Variants in AIG1 observed in about 807,000 individuals in gnomAD.
The protein encoded by AIG1 is androgen induced 1.
A neutral mutation model predicts 31.4 loss-of-function variants in AIG1; 23 were observed. That is an observed-to-expected ratio of 0.73 (90% CI 0.53 to 1.04). The LOEUF is 1.04. AIG1 is among the 50% of genes least tolerant of loss of function. The pLI, the probability that AIG1 is intolerant of heterozygous loss-of-function variation, is 0.00. For missense variants in AIG1, 274 were observed against 295.0 expected (o/e 0.93, Z 0.52); for synonymous variants, 100 against 110.5 (o/e 0.90, Z 0.60).
chr6:143,137,072 A>G (rs900394462), intron 2 of AIG1, 82 bp downstream of exon 2: 2 of 1,290,842 alleles, frequency 1.5e-6, no homozygotes, highest in African/African-American at 3.0e-5. Context: ...AAAAGAGTTC[A>G]TTATAAGAGG....
At chr6:143,129,039 C>G (rs562243040) in intron 1 of AIG1, among the ~76,000 whole-genome samples, 1 of 152,178 alleles carries the variant, frequency 6.6e-6, no homozygotes, top group Non-Finnish European at 1.5e-5. Flanking sequence ...TGCCTGTAAT[C>G]CCAGCATTTT....
intron 1 of AIG1, among the ~76,000 whole-genome samples, chr6:143,103,669 G>T (rs1204504364): frequency 1.3e-5 from 2 of 151,346 alleles, no homozygotes; most frequent in Non-Finnish European, 2.9e-5. Flanking sequence ...CACTACGCCC[G>T]GCTAATTTTT....
At chr6:143,180,304 T>C (rs756772361) in intron 3 of AIG1, among the ~76,000 whole-genome samples, 2 of 152,204 alleles carry the variant, frequency 1.3e-5, no homozygotes, top group Non-Finnish European at 2.9e-5. Context: ...AGATGCAGTT[T>C]TAAAGGTTGG....
chr6:143,075,375 C>T (rs1777643830), intron 1 of AIG1, among the ~76,000 whole-genome samples: 1 of 152,024 alleles, frequency 6.6e-6, no homozygotes, highest in Non-Finnish European at 1.5e-5. Context: ...TGGAGTGCAG[C>T]TCACTGCAGC....
At chr6:143,121,011 A>C (rs993864155) in intron 1 of AIG1, among the ~76,000 whole-genome samples, 1 of 152,278 alleles carries the variant, frequency 6.6e-6, no homozygotes, top group Non-Finnish European at 1.5e-5. Context: ...GCTGCAGATA[A>C]CTAGCCCAAC....
At chr6:143,072,596 C>G (rs1583067565) in intron 1 of AIG1, among the ~76,000 whole-genome samples, 2 of 151,490 alleles carry the variant, frequency 1.3e-5, no homozygotes, top group East Asian at 3.9e-4. Flanking sequence ...TTGTATATGC[C>G]CCTTATCAGT....
intron 4 of AIG1, among the ~76,000 whole-genome samples, chr6:143,316,628 A>G (rs1708870467): frequency 6.6e-6 from 1 of 152,148 alleles, no homozygotes; most frequent in African/African-American, 2.4e-5. Context: ...CAAACCCGGC[A>G]CAAGAAAAGA....
chr6:143,178,378 C>G (rs181953320), intron 3 of AIG1, among the ~76,000 whole-genome samples: 25 of 152,268 alleles, frequency 1.6e-4, no homozygotes, highest in Admixed American at 1.6e-3. Flanking sequence ...CTGTGTCCTG[C>G]GGGCATGGGA....
chr6:143,158,405 C>A (rs772380081), intron 2 of AIG1, among the ~76,000 whole-genome samples: 1 of 152,232 alleles, frequency 6.6e-6, no homozygotes, highest in Non-Finnish European at 1.5e-5. Flanking sequence ...GCTCACTAAA[C>A]TAGAGAGCTG....
chr6:143,327,079 GAA>G lies in AIG1; in HGVS notation c.516-6198_516-6197del, dbSNP rs1776669851. Among the ~76,000 whole-genome samples the G allele has an allele frequency of 6.6e-6, 1 of 152,076 alleles. No individual in the cohort carries two copies. ...AGCAGTGAGGATGACATGGAAGGAGGAAAAAATAGATGTAGAGACAAATTAGA... is the reference window on the plus strand; with the variant it reads ...AGCAGTGAGGATGACATGGAAGGAGGAAAATAGATGTAGAGACAAATTAGA... On this transcript the variant is annotated intron_variant, in intron 4 of 5. Coordinates refer to ENST00000357847, the MANE Select transcript of AIG1 (RefSeq NM_016108.4). The surrounding 1 kb of genome is among the most constrained non-coding windows in gnomAD (Gnocchi z 5.3).
In AIG1 at chr6:143,246,524, A is replaced by G. The variant is rs116356321; in HGVS notation, c.400-37586A>G. ...TCCCACTGGGTCCCTCCCACAACAC[A>G]TGGCAATTTAAGATGAGATTTAGGT... is the stretch of plus-strand genomic sequence containing the variant. On this transcript the variant is annotated intron_variant, in intron 3 of 5. Transcript: ENST00000357847. Among the ~76,000 whole-genome samples the G allele has an allele frequency of 2.4e-3, 367 of 152,258 alleles. 1 individual carries two copies. Among genetic ancestry groups the G allele is most frequent in the African/African-American group, 8.3e-3 (343 of 41,546 alleles).
At chr6:143,305,316 T>C (rs1219058407) in intron 4 of AIG1, among the ~76,000 whole-genome samples, 1 of 152,200 alleles carries the variant, frequency 6.6e-6, no homozygotes, top group African/African-American at 2.4e-5. Flanking sequence ...ATTGTGATGT[T>C]AGGGTGTCAG....
chr6:143,144,575 G>T (rs375787779), intron 2 of AIG1, among the ~76,000 whole-genome samples: 2 of 152,276 alleles, frequency 1.3e-5, no homozygotes, highest in South Asian at 4.1e-4. Context: ...GAACTTATTG[G>T]ATGTATAAGT....
chr6:143,343,675 A>G (rs1777901751), downstream of AIG1, among the ~76,000 whole-genome samples: 1 of 151,914 alleles, frequency 6.6e-6, no homozygotes, highest in African/African-American at 2.4e-5. Flanking sequence ...TCTCAAGGCT[A>G]TTTCTTTGTG....
intron 1 of AIG1, among the ~76,000 whole-genome samples, chr6:143,077,582 GCATATGTTGTTTTCCTCTGGTTGC>G (rs1237142958): frequency 5.9e-5 from 9 of 152,258 alleles, no homozygotes; most frequent in African/African-American, 1.7e-4. Context: ...GCTCTTAAAG[GCATATGTTGTTTTCCTCTGGTTGC>G]CTTTATATTT....
chr6:143,150,785 C>T (rs776307462), intron 2 of AIG1, among the ~76,000 whole-genome samples: 6 of 152,148 alleles, frequency 3.9e-5, no homozygotes, highest in Admixed American at 6.5e-5. Context: ...CCCAGGTTCC[C>T]TTCACAGATC....
At position 143,340,201 on chromosome 6, in the gene AIG1, T is replaced by C. The variant is rs1382112220; in HGVS notation, c.*525T>C. ...AAATGAGCACCATTTGTAATAATGA[T>C]GTCAATTTCATGAAAAGCCTGAGTG... On this transcript the variant is annotated 3_prime_UTR_variant, in exon 6 of 6. Coordinates refer to ENST00000357847, the MANE Select transcript of AIG1 (RefSeq NM_016108.4). 1 of 152,266 alleles carries C rather than the reference T, an allele frequency of 6.6e-6. No individual in the cohort carries two copies. The highest frequency in any genetic ancestry group is 1.5e-5 in the Non-Finnish European group (1 of 68,102). 9.4% of individuals were successfully genotyped at this position (152,266 alleles called of 1,614,324 possible). A position where few individuals can be genotyped will look rare whatever the true frequency, so the allele number is the denominator to read the frequency against.
chr6:143,084,743 C>T (rs559291200), intron 1 of AIG1, among the ~76,000 whole-genome samples: 3 of 152,234 alleles, frequency 2.0e-5, no homozygotes, highest in Admixed American at 6.5e-5. Context: ...TCTTCCTTTC[C>T]CTGTGTTATA....
intron 3 of AIG1, among the ~76,000 whole-genome samples, chr6:143,282,845 G>T (rs979262349): frequency 6.6e-6 from 1 of 152,214 alleles, no homozygotes; most frequent in Non-Finnish European, 1.5e-5. Flanking sequence ...GCCTGCCAAG[G>T]CCTACTTGCC....
Sources: allele counts gnomAD v4.1 joint callset (sites outside exome capture counted in the v4.1 genomes callset), GRCh38; gene constraint gnomAD v4.1.1; non-coding constraint Gnocchi (gnomAD v3.1); transcripts MANE v1.5; gene names NCBI Gene and HGNC (gene_info 2026-07-23, HGNC 2026-07-21).